TAB3: variants seen among roughly 807,000 people sequenced by gnomAD.
TAB3 encodes TGF-beta activated kinase 1 (MAP3K7) binding protein 3, also known as TGF-beta-activated kinase 1 and MAP3K7-binding protein 3.
In TAB3, 18 loss-of-function variants were observed where a neutral mutation model predicts 48.1. That is an observed-to-expected ratio of 0.37 (90% confidence interval 0.26 to 0.55). The LOEUF (loss-of-function observed/expected upper bound fraction) is 0.55. TAB3 is among the 20% of genes least tolerant of loss of function. The pLI is 0.78. For missense variants in TAB3, 414 were observed against 549.8 expected (o/e 0.75, Z 2.47); for synonymous variants, 185 against 190.2 (o/e 0.97, Z 0.22).
At position 30,878,218 on chromosome X, in the gene TAB3, T is replaced by C. The variant is rs953290881; in HGVS notation, c.-382-6417A>G. ...TATTAAGACACCTCTTGGCTGGGTG[T>C]GGTGGCTCATGCCTGTAATCCCAGC... is the stretch of plus-strand genomic sequence containing the variant. On this transcript the variant is annotated intron_variant, in intron 1 of 10. Coordinates refer to ENST00000288422, the MANE Select transcript of TAB3 (RefSeq NM_152787.5). 5.4e-5 allele frequency among the ~76,000 whole-genome samples: 6 copies of C among 111,836 alleles called. No homozygotes were observed. In the Admixed American group the frequency reaches 5.7e-4, roughly 11 times the overall value.
At chrX:30,840,460 G>A (rs752172647) in intron 9 of TAB3, among the ~76,000 whole-genome samples, 6 of 111,559 alleles carry the variant, frequency 5.4e-5, no homozygotes, top group African/African-American at 2.0e-4. Flanking sequence ...CTGAGTAACG[G>A]CAGTGTCTTT....
intron 1 of TAB3, among the ~76,000 whole-genome samples, chrX:30,876,800 A>G (rs772166985): frequency 1.8e-5 from 2 of 111,933 alleles, no homozygotes; most frequent in South Asian, 7.5e-4. Context: ...AGAATTCAAT[A>G]AACAGGTCTA....
chrX:30,887,105 T>C (rs1940151391), intron 1 of TAB3, among the ~76,000 whole-genome samples: 1 of 112,440 alleles, frequency 8.9e-6, no homozygotes, highest in Admixed American at 9.4e-5. Context: ...GGGATGTGTA[T>C]GTGTACCTCC....
At chrX:30,873,494 C>T (rs1245989967) in intron 1 of TAB3, among the ~76,000 whole-genome samples, 2 of 104,610 alleles carry the variant, frequency 1.9e-5, no homozygotes, top group Non-Finnish European at 3.9e-5. Flanking sequence ...CACAGCACTC[C>T]CGCCTGGGCG....
intron 1 of TAB3, among the ~76,000 whole-genome samples, chrX:30,888,150 T>C (rs1433191878): frequency 8.9e-6 from 1 of 112,527 alleles, no homozygotes; most frequent in Non-Finnish European, 1.9e-5. Flanking sequence ...AAGAAAAAAG[T>C]AAATTCTCTT....
At chrX:30,846,151 TAG>T in intron 8 of TAB3, 1 of 749,111 alleles carries the variant, frequency 1.3e-6, no homozygotes, top group Non-Finnish European at 1.7e-6. Context: ...ATAACATATA[TAG>T]AGTTTATTTT....
chrX:30,863,794 T>C, intron 4 of TAB3, among the ~76,000 whole-genome samples: 1 of 112,168 alleles, frequency 8.9e-6, no homozygotes, highest in East Asian at 2.8e-4. Flanking sequence ...GACATAAGAA[T>C]GGCCTAATAT....
At chrX:30,853,984 A>C in intron 6 of TAB3, 132 bp downstream of exon 6, 1 of 814,933 alleles carries the variant, frequency 1.2e-6, no homozygotes. Context: ...CACTAACTTT[A>C]TTCTTAATAG....
At chrX:30,879,134 C>G (rs1180075035) in intron 1 of TAB3, among the ~76,000 whole-genome samples, 1 of 111,884 alleles carries the variant, frequency 8.9e-6, no homozygotes, top group African/African-American at 3.2e-5. Context: ...TTGAAGAATA[C>G]TATTAGTATT....
chrX:30,882,260 A>C (rs979419522), intron 1 of TAB3, among the ~76,000 whole-genome samples: 1 of 112,449 alleles, frequency 8.9e-6, no homozygotes, highest in Non-Finnish European at 1.9e-5. Context: ...ATACTAACTT[A>C]ATTTATTAAA....
chrX:30,831,290 G>A lies in TAB3; in HGVS notation c.*137C>T. 4.1e-6 allele frequency: 3 copies of A among 736,346 alleles called. No individual in the cohort carries two copies. The highest frequency in any genetic ancestry group is 4.6e-5 in the South Asian group (1 of 21,639). 60.7% of individuals were successfully genotyped at this position (736,346 alleles called of 1,213,427 possible). A position where few individuals can be genotyped will look rare whatever the true frequency, so the allele number is the denominator to read the frequency against. ...TTTTTCCTTTCGTGAGCACAACGAC[G>A]ACCACAAAGCCATTCCTCCTCCCCG... On this transcript the variant is annotated 3_prime_UTR_variant, in exon 11 of 11. Transcript: ENST00000288422.
At chrX:30,873,986 C>A (rs1181284008) in intron 1 of TAB3, among the ~76,000 whole-genome samples, 1 of 110,434 alleles carries the variant, frequency 9.1e-6, no homozygotes, top group Non-Finnish European at 1.9e-5. Context: ...CTGGCCTGGG[C>A]AACATGAGGA....
chrX:30,886,421 T>C (rs886550370), intron 1 of TAB3, among the ~76,000 whole-genome samples: 1 of 111,642 alleles, frequency 9.0e-6, no homozygotes, highest in South Asian at 3.7e-4. Context: ...TAACGCTTTC[T>C]TGGGAGTATA....
At chrX:30,841,087 C>T (rs761849098) in intron 9 of TAB3, among the ~76,000 whole-genome samples, 2 of 112,450 alleles carry the variant, frequency 1.8e-5, no homozygotes, top group South Asian at 3.7e-4. Flanking sequence ...ATCTGGCACT[C>T]GGCAGTCATC....
In TAB3 at chrX:30,829,953, A is replaced by G. The variant is rs1027914369; in HGVS notation, c.*1474T>C. The G allele has an allele frequency of 2.7e-5, 3 of 110,312 alleles. No homozygotes were observed. The highest frequency in any genetic ancestry group is 9.7e-5 in the Admixed American group (1 of 10,268). 9.1% of individuals were successfully genotyped at this position (110,312 alleles called of 1,213,427 possible). A position where few individuals can be genotyped will look rare whatever the true frequency, so the allele number is the denominator to read the frequency against. ...TAGGATGGGAGAACCTACTAACTTT[A>G]TTGCTGTTTATACTCACCAAAATGA... On this transcript the variant is annotated 3_prime_UTR_variant, in exon 11 of 11. Coordinates refer to ENST00000288422, the MANE Select transcript of TAB3 (RefSeq NM_152787.5).
chrX:30,877,159 C>A (rs1939863632), intron 1 of TAB3, among the ~76,000 whole-genome samples: 1 of 111,962 alleles, frequency 8.9e-6, no homozygotes, highest in Admixed American at 9.5e-5. Context: ...TAATTTTCAA[C>A]AACAAAAATG....
At chrX:30,853,736 G>A (rs913276129) in intron 6 of TAB3, among the ~76,000 whole-genome samples, 3 of 112,561 alleles carry the variant, frequency 2.7e-5, no homozygotes, top group East Asian at 2.8e-4. Flanking sequence ...GTGCAGTGGC[G>A]TGATCTCAGC....
At chrX:30,875,503 A>T (rs1294120077) in intron 1 of TAB3, among the ~76,000 whole-genome samples, 1 of 110,914 alleles carries the variant, frequency 9.0e-6, no homozygotes, top group Admixed American at 9.5e-5. Flanking sequence ...TCACAAGGGC[A>T]GATATATATT....
chrX:30,885,015 C>G (rs1940093027), intron 1 of TAB3, among the ~76,000 whole-genome samples: 1 of 112,329 alleles, frequency 8.9e-6, no homozygotes, highest in Admixed American at 9.4e-5. Flanking sequence ...GATGGACTAA[C>G]TTAAATTTTA....
Sources: allele counts gnomAD v4.1 joint callset (sites outside exome capture counted in the v4.1 genomes callset), GRCh38; gene constraint gnomAD v4.1.1; transcripts MANE v1.5; gene names NCBI Gene and HGNC (gene_info 2026-07-23, HGNC 2026-07-21).